Variants in DICER1 observed in about 807,000 individuals in gnomAD.
DICER1 encodes endoribonuclease Dicer.
DICER1 carries 43 observed loss-of-function variants against 194.1 expected under a neutral mutation model. The observed-to-expected ratio is 0.22, with a 90% CI of 0.17 to 0.29. DICER1 has a LOEUF of 0.29. DICER1 is among the 10% of genes least tolerant of loss of function. The pLI is 1.00. For missense variants in DICER1, 1,608 were observed against 2,317.0 expected, an observed-to-expected ratio of 0.69 and a Z score of 6.28; for synonymous variants, 832 against 820.5, an observed-to-expected ratio of 1.01 and a Z score of -0.24.
In DICER1 at chr14:95,096,509, G is replaced by A. The variant is rs764066711; in HGVS notation, c.4411C>T (p.Pro1471Ser). ...TATGCAGAATCAGTGGTTGAAAAAG[G>A]AGAAAGAGAGATTTTCTTTACAAAA... ...GAFVKKISLS[P>S]FSTTDSAYEW... The change falls in exon 23 of 27, where the codon CCT (proline) becomes TCT (serine). Residue 1471 changes from proline (P) to serine (S), a missense_variant. Around this residue, in one of 10 missense-constraint regions of DICER1, gnomAD observed 164 missense variants for 183.7 expected, o/e 0.89. Transcript: ENST00000343455. 8 of 1,613,982 alleles carry A rather than the reference G, an allele frequency of 5.0e-6. No individual in the cohort carries two copies. Among genetic ancestry groups the A allele is most frequent in the South Asian group, 3.3e-5 (3 of 91,094 alleles).
At chr14:95,112,808 G>A (rs1024488312) in intron 12 of DICER1, among the ~76,000 whole-genome samples, 1 of 152,182 alleles carries the variant, frequency 6.6e-6, no homozygotes, top group African/African-American at 2.4e-5. Context: ...TAACACCTTA[G>A]AAGAAACTTC....
chr14:95,106,937 T>C (rs1221656323), intron 17 of DICER1, among the ~76,000 whole-genome samples: 1 of 152,204 alleles, frequency 6.6e-6, no homozygotes, highest in Non-Finnish European at 1.5e-5. Context: ...CATTAGATTA[T>C]CTGACCCTTT....
In DICER1 at chr14:95,108,530, T is replaced by C. The variant is rs748633461; in HGVS notation, c.2257-27A>G. ...TAGAGTTGGAAAGGAAAATTAAGCGTCATGCTCAAGCATATTAGCCTCTTT... is the reference window on the plus strand; with the variant it reads ...TAGAGTTGGAAAGGAAAATTAAGCGCCATGCTCAAGCATATTAGCCTCTTT... On this transcript the variant is annotated intron_variant, in intron 14 of 26. Transcript: ENST00000343455. 3.1e-5 allele frequency: 49 copies of C among 1,605,270 alleles called. No homozygotes were observed. The East Asian group carries it at 3.6e-4, about 12-fold the overall frequency.
chr14:95,154,001 C>T (rs1335876742), intron 1 of DICER1, among the ~76,000 whole-genome samples: 1 of 152,192 alleles, frequency 6.6e-6, no homozygotes, highest in East Asian at 1.9e-4. Context: ...ATGAACTAAG[C>T]TCTTGAATGT....
rs368741914 is a variant in DICER1 at position 95,131,581 on chromosome 14, C to T, written c.366G>A (p.Gly122=). 509 of 1,612,456 alleles carry T rather than the reference C, an allele frequency of 3.2e-4. 1 individual carries two copies. The highest frequency in any genetic ancestry group is 4.0e-4 in the Non-Finnish European group (470 of 1,178,666). ...CATTTACTTCTAGGTTTGAGTATTC[C>T]CCAACCTTGAGATCTGAATGAGTTC... is the stretch of plus-strand genomic sequence containing the variant. ...AVRTHSDLKV[G]EYSNLEVNAS... is the part of the protein sequence containing the mutation. The change falls in exon 4 of 27, where the codon GGG becomes GGA. Residue 122 remains glycine, a synonymous_variant. Coordinates refer to ENST00000343455, the MANE Select transcript of DICER1 (RefSeq NM_177438.3).
At chr14:95,138,959 G>A (rs956449870) in intron 1 of DICER1, among the ~76,000 whole-genome samples, 1 of 109,792 alleles carries the variant, frequency 9.1e-6, no homozygotes, top group Non-Finnish European at 1.9e-5. Flanking sequence ...CTAAAACTTA[G>A]AGTATAATAA....
chr14:95,106,261 T>C (rs766843650), intron 17 of DICER1, 38 bp from the exon 18 acceptor site: 1 of 1,490,988 alleles, frequency 6.7e-7, no homozygotes, highest in Non-Finnish European at 9.3e-7. Context: ...AGTTGCTTTT[T>C]GATTTAAATC....
At position 95,087,452 on chromosome 14, in the gene DICER1, A is replaced by T. The variant is rs1889423197; in HGVS notation, c.*3046T>A. ...GCCACAGACAAAAATGACCTATTTAAGTTGTGCGAGTATATGACACATTGC... is the reference window on the plus strand; with the variant it reads ...GCCACAGACAAAAATGACCTATTTATGTTGTGCGAGTATATGACACATTGC... On this transcript the variant is annotated 3_prime_UTR_variant, in exon 27 of 27. Coordinates refer to ENST00000343455, the MANE Select transcript of DICER1 (RefSeq NM_177438.3). 1.7e-5 allele frequency: 4 copies of T among 233,156 alleles called. No homozygotes were observed. The highest frequency in any genetic ancestry group is 3.6e-4 in the South Asian group (2 of 5,536). 14.4% of individuals were successfully genotyped at this position (233,156 alleles called of 1,614,324 possible).
intron 6 of DICER1, among the ~76,000 whole-genome samples, chr14:95,128,317 C>T (rs114760358): frequency 3.9e-5 from 6 of 152,298 alleles, no homozygotes; most frequent in South Asian, 2.1e-4. Flanking sequence ...TTTACTTAAA[C>T]GCTCTACTAC....
rs1165221864 is a variant in DICER1, at chr14:95,093,993, G to A, written c.5259C>T (p.Asp1753=). 2 of 1,614,118 alleles carry A rather than the reference G, an allele frequency of 1.2e-6. No homozygotes were observed. Among genetic ancestry groups the A allele is most frequent in the Non-Finnish European group, 1.7e-6 (2 of 1,180,018 alleles). ...TIFASLAVKY[D]YHKYFKAVSP... ...AGACAGCTTTGAAGTACTTGTGGTA[G>A]TCGTACTTTACAGCCAGCGATGCAA... Residue 1753 remains aspartate, a synonymous_variant, in exon 24 of 27, where the codon GAC becomes GAT. Coordinates refer to ENST00000343455, the MANE Select transcript of DICER1 (RefSeq NM_177438.3).
chr14:95,091,430 A>G (rs1889831866), intron 24 of DICER1, 65 bp from the exon 25 acceptor site: 1 of 1,483,966 alleles, frequency 6.7e-7, no homozygotes. Flanking sequence ...CCACAGATGT[A>G]GTTTCTTTTC....
At chr14:95,109,593 C>T (rs1468632179) in intron 14 of DICER1, among the ~76,000 whole-genome samples, 2 of 152,082 alleles carry the variant, frequency 1.3e-5, no homozygotes, top group African/African-American at 2.4e-5. Flanking sequence ...ACTAGTCTCA[C>T]GTGAAAATTT....
chr14:95,123,413 C>A (rs1174093421), intron 8 of DICER1, among the ~76,000 whole-genome samples: 1 of 152,108 alleles, frequency 6.6e-6, no homozygotes, highest in East Asian at 1.9e-4. Flanking sequence ...AAACTTTTTG[C>A]ACTGTGGCCT....
chr14:95,112,079 A>C (rs1046596074), intron 13 of DICER1, 93 bp downstream of exon 13: 2 of 1,093,638 alleles, frequency 1.8e-6, no homozygotes, highest in African/African-American at 3.1e-5. Flanking sequence ...AGCTCTACAA[A>C]ATCCTTACAG....
chr14:95,131,171 T>A (rs1052009492), intron 4 of DICER1, among the ~76,000 whole-genome samples: 1 of 152,020 alleles, frequency 6.6e-6, no homozygotes, highest in African/African-American at 2.4e-5. Flanking sequence ...CTAGGACTAC[T>A]ACGCCACCAC....
intron 7 of DICER1, among the ~76,000 whole-genome samples, chr14:95,125,140 G>C (rs1893295574): frequency 6.6e-6 from 1 of 152,168 alleles, no homozygotes; most frequent in Non-Finnish European, 1.5e-5. Flanking sequence ...TCGATCTACA[G>C]TCAGCACCTC....
rs1228270094 is a variant in DICER1, at chr14:95,086,378, A to T, written c.*4120T>A. ...AATGACATCATGTTCCTTAAAAAAC[A>T]GCTGCAGCATGTGATGGTAAATATT... On this transcript the variant is annotated 3_prime_UTR_variant, in exon 27 of 27. Transcript: ENST00000343455. 8.6e-6 allele frequency: 2 copies of T among 233,058 alleles called. No homozygotes were observed. Among genetic ancestry groups the T allele is most frequent in the Non-Finnish European group, 8.5e-6 (1 of 117,888 alleles). The allele number at this position is 233,058 out of a possible 1,614,324, so 14.4% of individuals were successfully genotyped here. A position where few individuals can be genotyped will look rare whatever the true frequency, so the allele number is the denominator to read the frequency against.
At chr14:95,114,714 G>A (rs1892282887) in intron 11 of DICER1, among the ~76,000 whole-genome samples, 1 of 152,168 alleles carries the variant, frequency 6.6e-6, no homozygotes, top group African/African-American at 2.4e-5. Context: ...CTTCACTCAA[G>A]TGATCTAAGT....
At chr14:95,117,857 A>T in intron 8 of DICER1, 103 bp from the exon 9 acceptor site, 2 of 1,084,750 alleles carry the variant, frequency 1.8e-6, no homozygotes, top group Non-Finnish European at 1.4e-6. Flanking sequence ...TTTTTTGCAA[A>T]CATACCTAAC....
Sources: allele counts gnomAD v4.1 joint callset (sites outside exome capture counted in the v4.1 genomes callset), GRCh38; gene constraint gnomAD v4.1.1; regional missense constraint gnomAD v4.1.1; transcripts MANE v1.5; gene names NCBI Gene and HGNC (gene_info 2026-07-23, HGNC 2026-07-21).